The following USP13 variants were observed in gnomAD, a reference collection of about 807,000 sequenced individuals.
USP13 encodes the protein ubiquitin specific peptidase 13.
A neutral mutation model predicts 107.8 loss-of-function variants in USP13; 68 were observed. The observed-to-expected ratio is 0.63, with a 90% CI of 0.52 to 0.77. The LOEUF (loss-of-function observed/expected upper bound fraction) is 0.77. Ranked by LOEUF, USP13 falls within the 30% of genes least tolerant of loss-of-function variation. USP13 has a pLI of 0.00. For synonymous variants in USP13, 377 were observed against 389.5 expected (o/e 0.97, Z 0.38); for missense variants, 945 against 1,093.3 (o/e 0.86, Z 1.91).
At chr3:179,691,289 T>C (rs1409194808) in intron 3 of USP13, among the ~76,000 whole-genome samples, 1 of 152,230 alleles carries the variant, frequency 6.6e-6, no homozygotes, top group Non-Finnish European at 1.5e-5. Context: ...TTACAAGATA[T>C]GATCCAGGGT....
intron 13 of USP13, among the ~76,000 whole-genome samples, chr3:179,751,989 C>T (rs544520200): frequency 6.6e-6 from 1 of 152,272 alleles, no homozygotes; most frequent in Non-Finnish European, 1.5e-5. Flanking sequence ...GTGATCTGCC[C>T]ACCTCGGCCT....
Position 179,726,254 on chromosome 3 carries a change from G to A in USP13, c.1089-3935G>A, listed in dbSNP as rs79193484. Among the ~76,000 whole-genome samples the A allele has an allele frequency of 5.7e-3, 873 of 152,312 alleles. 5 individuals carry two copies. Among genetic ancestry groups the A allele is most frequent in the Middle Eastern group, 0.02 (6 of 294 alleles). ...AGGCATGACCTTGAGACATGAGCAA[G>A]TCTGTCATGCCCTGGGGCAGCAAGA... On this transcript the variant is annotated intron_variant, in intron 8 of 20. Transcript: ENST00000263966.
intron 13 of USP13, 118 bp from the exon 14 acceptor site, chr3:179,752,167 C>T (rs982209368): frequency 3.7e-6 from 3 of 805,770 alleles, no homozygotes; most frequent in East Asian, 2.5e-5. Context: ...TGTTCCTCCT[C>T]TTCAGTTCAG....
At chr3:179,744,890 C>G (rs1197038822) in intron 12 of USP13, among the ~76,000 whole-genome samples, 153 bp from the exon 13 acceptor site, 2 of 152,146 alleles carry the variant, frequency 1.3e-5, no homozygotes, top group African/African-American at 4.8e-5. Context: ...CCAGAACAGC[C>G]TTTCAGCAGG....
intron 1 of USP13, among the ~76,000 whole-genome samples, chr3:179,662,890 G>A (rs112967100): frequency 2.4e-4 from 37 of 152,194 alleles, no homozygotes; most frequent in East Asian, 5.8e-4. Context: ...TTAAAGGAGC[G>A]GCCATCCATT....
chr3:179,695,157 TTC>T (rs1712248013), intron 3 of USP13, among the ~76,000 whole-genome samples: 1 of 152,214 alleles, frequency 6.6e-6, no homozygotes, highest in Non-Finnish European at 1.5e-5. Context: ...CTCTTGCAGT[TTC>T]TCTGTTATTT....
intron 7 of USP13, among the ~76,000 whole-genome samples, chr3:179,720,500 T>C (rs1329454933): frequency 1.3e-5 from 2 of 152,220 alleles, no homozygotes; most frequent in African/African-American, 4.8e-5. Flanking sequence ...AATACTGTGT[T>C]TTCAAATTGA....
chr3:179,754,458 C>A (rs750837529), intron 14 of USP13, among the ~76,000 whole-genome samples: 2 of 152,152 alleles, frequency 1.3e-5, no homozygotes, highest in Non-Finnish European at 2.9e-5. Context: ...TGTGTCTGGG[C>A]CACACATGGT....
intron 8 of USP13, among the ~76,000 whole-genome samples, chr3:179,728,156 G>A (rs1713624436): frequency 7.3e-6 from 1 of 136,660 alleles, no homozygotes; most frequent in Admixed American, 7.2e-5. Context: ...GCCGGGCAGA[G>A]GCGCCCCTCA....
Position 179,653,853 on chromosome 3 carries a change from G to T in USP13, c.168+460G>T. On this transcript the variant is annotated intron_variant, in intron 1 of 20. Transcript: ENST00000263966. The surrounding 1 kb of genome is among the most constrained non-coding windows in gnomAD (Gnocchi z 4.0). ...GGGATCCCCACTTCTGGACAATTCTGATTTGCTCTCTGAGCTTTTCTTCCA... is the reference window on the plus strand; with the variant it reads ...GGGATCCCCACTTCTGGACAATTCTTATTTGCTCTCTGAGCTTTTCTTCCA... 6.5e-6 allele frequency: 1 copy of T among 154,398 alleles called. No individual in the cohort carries two copies. Among genetic ancestry groups the T allele is most frequent in the Non-Finnish European group, 1.4e-5 (1 of 69,492 alleles). 9.6% of individuals were successfully genotyped at this position (154,398 alleles called of 1,614,324 possible).
chr3:179,656,919 C>G (rs1263647278), intron 1 of USP13, among the ~76,000 whole-genome samples: 1 of 152,150 alleles, frequency 6.6e-6, no homozygotes, highest in Non-Finnish European at 1.5e-5. Context: ...CATGGAGTTA[C>G]AGGCCCTGCA....
chr3:179,743,403 G>T (rs1458137166), intron 12 of USP13, among the ~76,000 whole-genome samples: 1 of 148,532 alleles, frequency 6.7e-6, no homozygotes, highest in Non-Finnish European at 1.5e-5. Context: ...TGAGAATAAA[G>T]AAAAAAAAAT....
chr3:179,662,748 TGATGCTGATC>T (rs1327191613), intron 1 of USP13, among the ~76,000 whole-genome samples: 2 of 152,202 alleles, frequency 1.3e-5, no homozygotes, highest in African/African-American at 4.8e-5. Flanking sequence ...ATGTGAGAGA[TGATGCTGATC>T]CTGTCAGAAA....
chr3:179,728,230 TG>T (rs1479956212), intron 8 of USP13, among the ~76,000 whole-genome samples: 2 of 139,284 alleles, frequency 1.4e-5, no homozygotes, highest in Admixed American at 7.1e-5. Flanking sequence ...CCAGACGAGG[TG>T]GCTGCCGGGC....
intron 8 of USP13, among the ~76,000 whole-genome samples, chr3:179,722,882 T>A (rs1319759997): frequency 6.6e-6 from 1 of 152,230 alleles, no homozygotes; most frequent in Non-Finnish European, 1.5e-5. Flanking sequence ...CTGACTGTGC[T>A]TGTACAAGAC....
chr3:179,730,410 A>G, intron 9 of USP13, 150 bp downstream of exon 9: 1 of 971,212 alleles, frequency 1.0e-6, no homozygotes, highest in Non-Finnish European at 1.5e-6. Flanking sequence ...TTTTATAAGA[A>G]GATAAAGTTA....
Position 179,678,910 on chromosome 3 carries a change from A to G in USP13, c.169-2968A>G, listed in dbSNP as rs1246809148. On this transcript the variant is annotated intron_variant, in intron 1 of 20. Coordinates refer to ENST00000263966, the MANE Select transcript of USP13 (RefSeq NM_003940.3). This position sits in a 1 kb window ranked among gnomAD's most constrained non-coding sequence, Gnocchi z 4.2. ...GTGTGTAGATTCCTTAGAATTTTCAATATGGCCTGTACTGTCATTAGGAAA... is the reference window on the plus strand; with the variant it reads ...GTGTGTAGATTCCTTAGAATTTTCAGTATGGCCTGTACTGTCATTAGGAAA... 6.6e-6 allele frequency among the ~76,000 whole-genome samples: 1 copy of G among 152,118 alleles called. No homozygotes were observed. The highest frequency in any genetic ancestry group is 1.5e-5 in the Non-Finnish European group (1 of 68,002).
intron 3 of USP13, among the ~76,000 whole-genome samples, chr3:179,696,475 C>T (rs1211729817): frequency 2.0e-5 from 3 of 152,136 alleles, no homozygotes; most frequent in South Asian, 2.1e-4. Context: ...GGATTACAGG[C>T]GCTGGCCACC....
rs980045471 is a variant in USP13, at chr3:179,653,385, G to A, written c.160G>A (p.Asp54Asn). ...VYKNECAFSY[D>N]SPNSEGGLYV... is the part of the protein sequence containing the mutation. ...CAAGAACGAGTGCGCCTTCTCCTAC[G>A]ACTCTCCCGTAAGTGAGGCGCCTCG... The change falls in exon 1 of 21, where the codon GAC becomes AAC. Residue 54 changes from aspartate (D) to asparagine (N), a missense_variant. By Grantham distance (23) the Asp-to-Asn change is conservative (BLOSUM62 1). Transcript: ENST00000263966. This position sits in a 1 kb window ranked among gnomAD's most constrained non-coding sequence, Gnocchi z 4.0. The A allele has an allele frequency of 6.4e-6, 10 of 1,560,986 alleles. No individual in the cohort carries two copies. The African/African-American group carries it at 8.2e-5, about 13-fold the overall frequency.
Sources: allele counts gnomAD v4.1 joint callset (sites outside exome capture counted in the v4.1 genomes callset), GRCh38; gene constraint gnomAD v4.1.1; non-coding constraint Gnocchi (gnomAD v3.1); transcripts MANE v1.5; gene names NCBI Gene and HGNC (gene_info 2026-07-23, HGNC 2026-07-21).